PRKG1: variants seen among roughly 807,000 people sequenced by gnomAD.
PRKG1 encodes the protein cGMP-dependent protein kinase 1.
A neutral mutation model predicts 88.1 loss-of-function variants in PRKG1; 35 were observed. The ratio of observed to expected loss-of-function variants is 0.40; its 90% CI spans 0.30 to 0.53. The LOEUF is 0.53. PRKG1 is among the 20% of genes least tolerant of loss of function. The pLI, the probability that PRKG1 is intolerant of heterozygous loss-of-function variation, is 0.59. For missense variants in PRKG1, 540 were observed against 839.8 expected, an observed-to-expected ratio of 0.64 and a Z score of 4.41; for synonymous variants, 303 against 292.5, an observed-to-expected ratio of 1.04 and a Z score of -0.37.
rs111823923 is a variant in PRKG1, at chr10:51,753,605, C to T, written c.593-50980C>T. On this transcript the variant is annotated intron_variant, in intron 3 of 17. Coordinates refer to ENST00000373980, the MANE Select transcript of PRKG1 (RefSeq NM_006258.4). The stretch of plus-strand genomic sequence containing the variant: ...CAAAGAGAGTAGAAGTTACCTATGC[C>T]TGGATTTCATTTAGAGAGCCCAATG... 2.6e-3 allele frequency among the ~76,000 whole-genome samples: 398 copies of T among 152,210 alleles called. 5 individuals carry two copies. The highest frequency in any genetic ancestry group is 0.01 in the Middle Eastern group (3 of 294).
At chr10:51,611,907 T>C (rs1564572595) in intron 3 of PRKG1, among the ~76,000 whole-genome samples, 1 of 152,130 alleles carries the variant, frequency 6.6e-6, no homozygotes, top group Non-Finnish European at 1.5e-5. Context: ...CTTTCCCCAA[T>C]GTGTGTTCTT....
chr10:51,037,010 G>A (rs749698127), intron 1 of PRKG1, among the ~76,000 whole-genome samples: 11 of 152,202 alleles, frequency 7.2e-5, no homozygotes, highest in Non-Finnish European at 1.6e-4. Context: ...TTCTGGAACA[G>A]TGAGGCTTTT....
intron 1 of PRKG1, among the ~76,000 whole-genome samples, chr10:51,108,900 G>A (rs1844913192): frequency 6.6e-6 from 1 of 152,118 alleles, no homozygotes; most frequent in African/African-American, 2.4e-5. Flanking sequence ...CTAGAACTGG[G>A]AAATGAGTTT....
intron 3 of PRKG1, among the ~76,000 whole-genome samples, chr10:51,475,632 T>C (rs1217872547): frequency 6.6e-6 from 1 of 152,102 alleles, no homozygotes; most frequent in Non-Finnish European, 1.5e-5. Context: ...AGTTGCATTT[T>C]TCTTTTAAGG....
intron 5 of PRKG1, among the ~76,000 whole-genome samples, chr10:51,970,391 C>A (rs865847834): frequency 2.7e-5 from 4 of 149,644 alleles, no homozygotes; most frequent in African/African-American, 4.9e-5. Context: ...TTTCTACAAC[C>A]TTTTTTTTTG....
chr10:51,068,836 A>G (rs1382272926), intron 1 of PRKG1, among the ~76,000 whole-genome samples: 1 of 152,066 alleles, frequency 6.6e-6, no homozygotes, highest in Non-Finnish European at 1.5e-5. Flanking sequence ...TTGCATGCTC[A>G]TGTACATATT....
intron 4 of PRKG1, among the ~76,000 whole-genome samples, chr10:51,849,012 C>T (rs1396219793): frequency 6.6e-6 from 1 of 152,054 alleles, no homozygotes; most frequent in Non-Finnish European, 1.5e-5. Context: ...TAGTTTAGGT[C>T]CTGTATTTTG....
At chr10:51,048,034 A>G (rs1052177319) in intron 1 of PRKG1, among the ~76,000 whole-genome samples, 1 of 152,198 alleles carries the variant, frequency 6.6e-6, no homozygotes, top group Non-Finnish European at 1.5e-5. Flanking sequence ...GGCCTGTGAT[A>G]TTAATACTTA....
intron 7 of PRKG1, among the ~76,000 whole-genome samples, chr10:52,117,164 C>CTGTCTGTGTG (rs1847706565): frequency 7.2e-6 from 1 of 139,200 alleles, no homozygotes. Flanking sequence ...TGTGAAATAT[C>CTGTCTGTGTG]TGTGTGTGTG....
chr10:51,950,590 T>G (rs548740460), intron 5 of PRKG1, among the ~76,000 whole-genome samples: 1 of 152,348 alleles, frequency 6.6e-6, no homozygotes, highest in African/African-American at 2.4e-5. Context: ...AGGAGCAAGC[T>G]TCATGTGGGG....
intron 1 of PRKG1, among the ~76,000 whole-genome samples, chr10:51,021,131 G>A (rs1040237468): frequency 2.0e-5 from 3 of 152,038 alleles, no homozygotes; most frequent in Admixed American, 6.6e-5. Flanking sequence ...GTGTTGAATC[G>A]AGACCAGAGT....
chr10:52,118,292 A>G (rs1847736187), intron 7 of PRKG1, among the ~76,000 whole-genome samples: 1 of 151,952 alleles, frequency 6.6e-6, no homozygotes, highest in Non-Finnish European at 1.5e-5. Context: ...TAATCGGGGT[A>G]TTCTTTATAT....
intron 3 of PRKG1, among the ~76,000 whole-genome samples, chr10:51,503,137 T>C (rs1258765910): frequency 6.6e-6 from 1 of 152,146 alleles, no homozygotes. Flanking sequence ...ATCTTGAACG[T>C]ACCAAGTCCT....
In PRKG1 at chr10:51,159,411, G is replaced by A. The variant is rs574246196; in HGVS notation, c.478+6081G>A. ...CGTGTTAATCCAAAAGCTATCTTTA[G>A]AATCGTTGAAATACAAATGTACTTA... On this transcript the variant is annotated intron_variant, in intron 2 of 17. Transcript: ENST00000373980. 7.2e-5 allele frequency among the ~76,000 whole-genome samples: 11 copies of A among 152,156 alleles called. No individual in the cohort carries two copies. In the South Asian group the frequency reaches 2.3e-3, roughly 32 times the overall value.
At chr10:52,066,134 C>T (rs1218223693) in intron 7 of PRKG1, among the ~76,000 whole-genome samples, 1 of 152,154 alleles carries the variant, frequency 6.6e-6, no homozygotes, top group Non-Finnish European at 1.5e-5. Context: ...TGCTAGTTAC[C>T]TCATGAAATG....
chr10:52,242,368 T>C lies in PRKG1; in HGVS notation c.1077-9202T>C, dbSNP rs188707830. On this transcript the variant is annotated intron_variant, in intron 9 of 17. Coordinates refer to ENST00000373980, the MANE Select transcript of PRKG1 (RefSeq NM_006258.4). ...CCAGCTTCTAATGGCTGTGCATTTA[T>C]ATAAAGGAAATATCTATTCTGGCAT... is the stretch of plus-strand genomic sequence containing the variant. 19 of 152,342 alleles carry C rather than the reference T, an allele frequency of 1.2e-4. No individual in the cohort carries two copies. In the East Asian group the frequency reaches 2.9e-3, roughly 23 times the overall value. The allele number at this position is 152,342 out of a possible 1,614,324, so 9.4% of individuals were successfully genotyped here.
In PRKG1 at chr10:52,034,455, G is replaced by A. The variant is rs180718508; in HGVS notation, c.763-20029G>A. Among the ~76,000 whole-genome samples, 16 of 150,846 alleles carry A rather than the reference G, an allele frequency of 1.1e-4. 1 individual carries two copies. The highest frequency in any genetic ancestry group is 3.4e-3 in the Middle Eastern group (1 of 294). On this transcript the variant is annotated intron_variant, in intron 5 of 17. Coordinates refer to ENST00000373980, the MANE Select transcript of PRKG1 (RefSeq NM_006258.4). Reference sequence around the variant, plus strand: ...TTGTCATATAGAATGATTGGTGATGGCCTAGATATGGATTTGGATGAATTG... The same window carrying A: ...TTGTCATATAGAATGATTGGTGATGACCTAGATATGGATTTGGATGAATTG...
chr10:51,879,371 A>T (rs1221277946), intron 4 of PRKG1, among the ~76,000 whole-genome samples: 1 of 152,192 alleles, frequency 6.6e-6, no homozygotes, highest in South Asian at 2.1e-4. Context: ...GAACGAGAAA[A>T]GTTGCTGGCC....
chr10:51,379,378 G>T (rs764006861), intron 2 of PRKG1, among the ~76,000 whole-genome samples: 2 of 152,260 alleles, frequency 1.3e-5, no homozygotes, highest in South Asian at 4.1e-4. Flanking sequence ...TACCTGTAAA[G>T]TTATTTTCAT....
Sources: gnomAD v4.1 joint callset for allele counts (sites outside exome capture counted in the v4.1 genomes callset) on GRCh38, gnomAD v4.1.1 for gene constraint, MANE v1.5 for transcripts, NCBI Gene and HGNC (gene_info 2026-07-23, HGNC 2026-07-21) for gene names.